Variants in TLN2 observed in about 807,000 individuals in gnomAD.
The protein encoded by TLN2 is talin-2.
In TLN2, 118 loss-of-function variants were observed where a neutral mutation model predicts 294.7. The ratio of observed to expected loss-of-function variants is 0.40; its 90% CI spans 0.34 to 0.47. The LOEUF (loss-of-function observed/expected upper bound fraction) is 0.47. Among genes scored for constraint, TLN2 ranks in the 20% least tolerant of loss-of-function variants. TLN2 has a pLI of 0.84. For synonymous variants in TLN2, 1,431 were observed against 1,304.5 expected (o/e 1.10, Z -2.09); for missense variants, 3,083 against 3,282.2 (o/e 0.94, Z 1.48).
intron 3 of TLN2, among the ~76,000 whole-genome samples, chr15:62,632,355 G>A (rs1257875672): frequency 1.3e-5 from 2 of 152,200 alleles, no homozygotes; most frequent in East Asian, 3.9e-4. Flanking sequence ...GACTCCTAAC[G>A]ACCTGAACCC....
At chr15:62,582,246 A>ACACACACACACACACACACACACAC (rs764248336) in intron 1 of TLN2, among the ~76,000 whole-genome samples, 1 of 137,240 alleles carries the variant, frequency 7.3e-6, no homozygotes, top group Non-Finnish European at 1.6e-5. Flanking sequence ...ACACACACAC[A>ACACACACACACACACACACACACAC]CATTCATGCC....
intron 54 of TLN2, chr15:62,831,697 C>T (rs1391273333): frequency 6.6e-6 from 1 of 152,182 alleles, no homozygotes; most frequent in Non-Finnish European, 1.5e-5. Flanking sequence ...AAAGAATGCA[C>T]AAGTCTGTCT....
intron 1 of TLN2, among the ~76,000 whole-genome samples, chr15:62,392,186 T>G (rs1172279083): frequency 1.3e-5 from 2 of 152,216 alleles, no homozygotes; most frequent in Non-Finnish European, 2.9e-5. Context: ...AGTTGGGGCT[T>G]CAGGTGACGC....
Position 62,838,884 on chromosome 15 carries a change from C to CA in TLN2, c.7404dup (p.Asp2469ArgfsTer16). 1 of 1,610,476 alleles carries CA rather than the reference C, an allele frequency of 6.2e-7. No individual in the cohort carries two copies. The highest frequency in any genetic ancestry group is 8.5e-7 in the Non-Finnish European group (1 of 1,179,960). On this transcript the variant is annotated frameshift_variant, in exon 58 of 59. Transcript: ENST00000636159. LOFTEE classifies it high-confidence loss of function. Reference sequence around the variant, plus strand: ...GCAGGAAATGCTGTGAAAAGAGCCTCAGACAATCTTGTCCGTGCAGCCCAG... The same window carrying CA: ...GCAGGAAATGCTGTGAAAAGAGCCTCAAGACAATCTTGTCCGTGCAGCCCAG...
intron 27 of TLN2, among the ~76,000 whole-genome samples, chr15:62,725,325 G>A (rs570530087): frequency 7.2e-5 from 11 of 152,212 alleles, no homozygotes; most frequent in African/African-American, 9.6e-5. Context: ...CTGTGCACGC[G>A]TCCCATATCT....
intron 54 of TLN2, chr15:62,828,215 A>G (rs2068410750): frequency 6.6e-6 from 1 of 152,406 alleles, no homozygotes; most frequent in East Asian, 1.9e-4. Context: ...GGAAGAGGTC[A>G]ACTACAGGGT....
intron 15 of TLN2, among the ~76,000 whole-genome samples, chr15:62,698,122 G>A (rs999285185): frequency 6.6e-5 from 10 of 152,180 alleles, no homozygotes; most frequent in African/African-American, 1.9e-4. Flanking sequence ...CTCTGCTCCC[G>A]TGTCCTGGCA....
At position 62,424,467 on chromosome 15, in the gene TLN2, T is replaced by C. The variant is rs961212987; in HGVS notation, c.-238+33782T>C. ...TGGTGTCAGCAAACAGCAAGAACAC[T>C]GTACTTGTCTGTGTACACGCACCTC... On this transcript the variant is annotated intron_variant, in intron 1 of 58. Coordinates refer to ENST00000636159, the MANE Select transcript of TLN2 (RefSeq NM_015059.3). 2.0e-5 allele frequency among the ~76,000 whole-genome samples: 3 copies of C among 152,108 alleles called. No individual in the cohort carries two copies. The East Asian group carries it at 5.8e-4, about 29-fold the overall frequency.
chr15:62,744,197 A>T (rs903762887), intron 32 of TLN2, among the ~76,000 whole-genome samples: 1 of 151,476 alleles, frequency 6.6e-6, no homozygotes, highest in Non-Finnish European at 1.5e-5. Flanking sequence ...TGAGGCTTTC[A>T]TTTTCTTCCG....
intron 3 of TLN2, among the ~76,000 whole-genome samples, chr15:62,622,201 T>G (rs1432651740): frequency 1.3e-5 from 2 of 152,174 alleles, no homozygotes; most frequent in Non-Finnish European, 2.9e-5. Flanking sequence ...AGTCTTAATT[T>G]GGAGACTGAG....
At chr15:62,767,127 G>A (rs2063057095) in intron 41 of TLN2, among the ~76,000 whole-genome samples, 1 of 152,170 alleles carries the variant, frequency 6.6e-6, no homozygotes, top group South Asian at 2.1e-4. Context: ...GATGTACATA[G>A]GAAGAAATAC....
chr15:62,459,681 GCTAA>G, intron 1 of TLN2, among the ~76,000 whole-genome samples: 1 of 152,248 alleles, frequency 6.6e-6, no homozygotes, highest in Non-Finnish European at 1.5e-5. Flanking sequence ...CCTTTTGCTT[GCTAA>G]CTTTGAGTTG....
intron 32 of TLN2, among the ~76,000 whole-genome samples, chr15:62,748,050 A>G (rs2061712139): frequency 6.7e-6 from 1 of 150,168 alleles, no homozygotes; most frequent in Non-Finnish European, 1.5e-5. Context: ...ACTTTTACTG[A>G]AAAAAAAACC....
intron 9 of TLN2, among the ~76,000 whole-genome samples, chr15:62,666,282 G>T (rs535058996): frequency 6.6e-6 from 1 of 152,120 alleles, no homozygotes; most frequent in Non-Finnish European, 1.5e-5. Context: ...GTGTGATAGC[G>T]CTAAGAGGTG....
chr15:62,660,839 G>A (rs941365637), intron 9 of TLN2, among the ~76,000 whole-genome samples: 4 of 152,188 alleles, frequency 2.6e-5, no homozygotes, highest in Non-Finnish European at 5.9e-5. Context: ...TACAGTCTAT[G>A]TGGCAGATAA....
rs111620224 is a variant in TLN2 at position 62,667,842 on chromosome 15, T to TAC, written c.789-5979_789-5978dup. 2.0e-5 allele frequency among the ~76,000 whole-genome samples: 3 copies of TAC among 152,358 alleles called. 1 individual carries two copies. Among genetic ancestry groups the TAC allele is most frequent in the African/African-American group, 7.2e-5 (3 of 41,590 alleles). Reference sequence around the variant, plus strand: ...CATAAGAAAATGAGGTTCGATTATGTACACACAGTGAAATAATATTTAGCC... The same window carrying TAC: ...CATAAGAAAATGAGGTTCGATTATGTACACACACAGTGAAATAATATTTAGCC... On this transcript the variant is annotated intron_variant, in intron 9 of 58. Coordinates refer to ENST00000636159, the MANE Select transcript of TLN2 (RefSeq NM_015059.3).
At chr15:62,647,252 G>T in intron 3 of TLN2, 23 bp from the exon 4 acceptor site, 1 of 1,571,842 alleles carries the variant, frequency 6.4e-7, no homozygotes, top group South Asian at 1.2e-5. Flanking sequence ...GAACATCAGG[G>T]TTTGTCTCTT....
At chr15:62,403,934 G>T (rs2033211126) in intron 1 of TLN2, among the ~76,000 whole-genome samples, 1 of 152,142 alleles carries the variant, frequency 6.6e-6, no homozygotes, top group African/African-American at 2.4e-5. Context: ...TAGAATATAA[G>T]CTCCAGAAGA....
intron 32 of TLN2, among the ~76,000 whole-genome samples, chr15:62,746,665 A>G (rs981600322): frequency 6.6e-6 from 1 of 152,210 alleles, no homozygotes; most frequent in Non-Finnish European, 1.5e-5. Context: ...AAAATGAGGC[A>G]TCTTTTATAT....
Sources: allele counts gnomAD v4.1 joint callset (sites outside exome capture counted in the v4.1 genomes callset), GRCh38; gene constraint gnomAD v4.1.1; transcripts MANE v1.5; gene names NCBI Gene and HGNC (gene_info 2026-07-23, HGNC 2026-07-21).